Variants in BCAR3 observed in about 807,000 individuals in gnomAD.
BCAR3 encodes BCAR3 adaptor protein, NSP family member, also known as breast cancer anti-estrogen resistance protein 3.
Under a neutral mutation model 80.1 loss-of-function variants are expected in BCAR3, and 37 were observed. That is an observed-to-expected ratio of 0.46 (90% CI 0.36 to 0.61). The LOEUF (loss-of-function observed/expected upper bound fraction) is 0.61. BCAR3 is among the 20% of genes least tolerant of loss of function. The pLI, the probability that BCAR3 is intolerant of heterozygous loss-of-function variation, is 0.00. For synonymous variants in BCAR3, 389 were observed against 418.9 expected, an observed-to-expected ratio of 0.93 and a Z score of 0.87; for missense variants, 978 against 1,068.2, an observed-to-expected ratio of 0.92 and a Z score of 1.18.
intron 2 of BCAR3, among the ~76,000 whole-genome samples, chr1:93,774,601 T>C (rs1652479550): frequency 1.3e-5 from 2 of 152,036 alleles, no homozygotes; most frequent in South Asian, 4.1e-4. Flanking sequence ...CAGTTGACCA[T>C]CACCCAAGCC....
At chr1:93,628,036 C>G (rs984441775) in intron 3 of BCAR3, among the ~76,000 whole-genome samples, 1 of 152,034 alleles carries the variant, frequency 6.6e-6, no homozygotes, top group African/African-American at 2.4e-5. Flanking sequence ...CTTTCGGTTG[C>G]CAAGAAGTTT....
chr1:93,562,768 CAAAAAAAAAAA>C (rs35374992), intron 11 of BCAR3, among the ~76,000 whole-genome samples: 1 of 76,892 alleles, frequency 1.3e-5, no homozygotes, highest in East Asian at 3.7e-4. Context: ...GACTCCATCT[CAAAAAAAAAAA>C]AAAAAAAAAA....
intron 3 of BCAR3, among the ~76,000 whole-genome samples, chr1:93,622,553 T>G (rs1169166056): frequency 6.6e-6 from 1 of 152,146 alleles, no homozygotes; most frequent in Non-Finnish European, 1.5e-5. Flanking sequence ...GAGAGATGGA[T>G]GCTGACATCA....
chr1:93,846,845 C>G (rs749993494), intron 1 of BCAR3: 3 of 476,124 alleles, frequency 6.3e-6, no homozygotes, highest in Admixed American at 2.2e-5. Context: ...GCGTCGCCCC[C>G]CTCAGTCCAC....
intron 7 of BCAR3, among the ~76,000 whole-genome samples, chr1:93,579,941 A>C (rs936203612): frequency 6.6e-6 from 1 of 152,238 alleles, no homozygotes; most frequent in Non-Finnish European, 1.5e-5. Flanking sequence ...TGAGGTCCGG[A>C]TAACTTCGCA....
At chr1:93,799,360 C>T (rs1168323220) in intron 2 of BCAR3, among the ~76,000 whole-genome samples, 1 of 152,096 alleles carries the variant, frequency 6.6e-6, no homozygotes, top group African/African-American at 2.4e-5. Flanking sequence ...CTTAGGATAT[C>T]CAATGTATGG....
chr1:93,744,946 G>T (rs1651305613), intron 2 of BCAR3, among the ~76,000 whole-genome samples: 1 of 152,132 alleles, frequency 6.6e-6, no homozygotes, highest in Non-Finnish European at 1.5e-5. Flanking sequence ...TTTGAGCTGG[G>T]CCAAAACCCA....
At chr1:93,580,023 G>C (rs1406655158) in intron 7 of BCAR3, among the ~76,000 whole-genome samples, 1 of 152,238 alleles carries the variant, frequency 6.6e-6, no homozygotes. Context: ...TGTTCTTCCA[G>C]TGCAGCCCTG....
chr1:93,756,415 G>A (rs1651751141), intron 2 of BCAR3, among the ~76,000 whole-genome samples: 1 of 152,058 alleles, frequency 6.6e-6, no homozygotes, highest in Non-Finnish European at 1.5e-5. Context: ...CCTTTGCATG[G>A]GACACGAATG....
At chr1:93,796,677 T>A (rs1291242220) in intron 2 of BCAR3, among the ~76,000 whole-genome samples, 3 of 152,200 alleles carry the variant, frequency 2.0e-5, no homozygotes, top group Non-Finnish European at 4.4e-5. Flanking sequence ...TCTTGGCTCC[T>A]CCCCAACACT....
chr1:93,701,577 C>T (rs1301839756), intron 3 of BCAR3, among the ~76,000 whole-genome samples: 1 of 152,230 alleles, frequency 6.6e-6, no homozygotes, highest in Non-Finnish European at 1.5e-5. Context: ...AATGAAGCCA[C>T]TGGGACAAAA....
intron 2 of BCAR3, among the ~76,000 whole-genome samples, chr1:93,749,583 C>T (rs144922730): frequency 0.017 from 2,301 of 133,840 alleles, 57 homozygotes; most frequent in African/African-American, 0.068. Flanking sequence ...AGCGAGACTC[C>T]GTCAAAAAAA....
chr1:93,621,969 T>A (rs1424805904), intron 3 of BCAR3, among the ~76,000 whole-genome samples: 3 of 152,216 alleles, frequency 2.0e-5, no homozygotes, highest in African/African-American at 7.2e-5. Context: ...CCTCCCGGGT[T>A]CAAGTGATTC....
intron 5 of BCAR3, among the ~76,000 whole-genome samples, chr1:93,587,034 C>T (rs1353022249): frequency 1.3e-5 from 2 of 152,176 alleles, no homozygotes; most frequent in East Asian, 3.9e-4. Context: ...CTCGGCCTCC[C>T]AAATTGTTGG....
Position 93,841,175 on chromosome 1 carries a change from G to A in BCAR3, c.-63+4392C>T, listed in dbSNP as rs530837133. On this transcript the variant is annotated intron_variant, in intron 2 of 13. Transcript: ENST00000370244. ...CCCCAGGCTCCTTAGCCTTGCATTT[G>A]AAGCGCTTCCGGATCTTTGCCCCAC... Among the ~76,000 whole-genome samples the A allele has an allele frequency of 2.0e-5, 3 of 152,332 alleles. No individual in the cohort carries two copies. In the South Asian group the frequency reaches 6.2e-4, roughly 32 times the overall value.
In BCAR3 at chr1:93,623,946, T is replaced by C. The variant is rs532334383; in HGVS notation, c.357+18358A>G. Among the ~76,000 whole-genome samples, 10 of 152,354 alleles carry C rather than the reference T, an allele frequency of 6.6e-5. No homozygotes were observed. In the South Asian group the frequency reaches 2.1e-3, roughly 32 times the overall value. On this transcript the variant is annotated intron_variant, in intron 3 of 11. Transcript: ENST00000260502. Reference sequence around the variant, plus strand: ...TGTACACTCATGTGTCAGCAATGAATGGAAATTAATGGTGTTTTGCAGTCT... The same window carrying C: ...TGTACACTCATGTGTCAGCAATGAACGGAAATTAATGGTGTTTTGCAGTCT...
At chr1:93,822,566 G>C (rs1014694204) in intron 2 of BCAR3, among the ~76,000 whole-genome samples, 1 of 151,936 alleles carries the variant, frequency 6.6e-6, no homozygotes, top group Non-Finnish European at 1.5e-5. Context: ...CTCAAATTCT[G>C]AGCTCAAAGT....
intron 2 of BCAR3, among the ~76,000 whole-genome samples, chr1:93,751,746 A>T (rs1651564971): frequency 6.6e-6 from 1 of 152,156 alleles, no homozygotes; most frequent in Non-Finnish European, 1.5e-5. Flanking sequence ...AATTATCTAG[A>T]AGATTCCCCA....
chr1:93,760,429 A>G (rs1218491107), intron 2 of BCAR3, among the ~76,000 whole-genome samples: 2 of 152,182 alleles, frequency 1.3e-5, no homozygotes, highest in Non-Finnish European at 2.9e-5. Context: ...GGTATAAAGC[A>G]TGATGAAGCA....
Sources: allele counts gnomAD v4.1 joint callset (sites outside exome capture counted in the v4.1 genomes callset), GRCh38; gene constraint gnomAD v4.1.1; transcripts MANE v1.5; gene names NCBI Gene and HGNC (gene_info 2026-07-23, HGNC 2026-07-21).